ANO2: variants seen among roughly 807,000 people sequenced by gnomAD.
The protein encoded by ANO2 is anoctamin-2.
ANO2 carries 101 observed loss-of-function variants against 124.2 expected under a neutral mutation model. That is an observed-to-expected ratio of 0.81 (90% CI 0.69 to 0.96). ANO2 has a LOEUF of 0.96. Among genes scored for constraint, ANO2 ranks in the 40% least tolerant of loss-of-function variants. The probability of loss-of-function intolerance (pLI) is 0.00; values close to 1 mark genes in which losing one functional copy is unlikely to be tolerated. For synonymous variants in ANO2, 486 were observed against 482.5 expected (o/e 1.01, Z -0.09); for missense variants, 1,293 against 1,274.5 (o/e 1.01, Z -0.22).
chr12:5,811,193 T>C lies in ANO2; in HGVS notation c.893-3825A>G, dbSNP rs949817037. On this transcript the variant is annotated intron_variant, in intron 7 of 24. Transcript: ENST00000682330. ...GCCATACTCCTGAAAATCCATTTGG[T>C]TTTGATTCTCCCCAGAAAAGGGCCC... 4.6e-5 allele frequency among the ~76,000 whole-genome samples: 7 copies of C among 152,276 alleles called. No individual in the cohort carries two copies. In the South Asian group the frequency reaches 1.5e-3, roughly 32 times the overall value.
intron 10 of ANO2, among the ~76,000 whole-genome samples, chr12:5,778,416 T>C (rs1952291433): frequency 6.6e-6 from 1 of 152,286 alleles, no homozygotes; most frequent in Non-Finnish European, 1.5e-5. Context: ...GCAGAAAGTG[T>C]CACATTATTT....
intron 17 of ANO2, 72 bp downstream of exon 17, chr12:5,615,114 T>G: frequency 1.6e-6 from 2 of 1,236,678 alleles, no homozygotes; most frequent in Non-Finnish European, 2.3e-6. Context: ...AGGCTGACCC[T>G]ATTGTCCTGA....
At chr12:5,807,855 C>T (rs1322723228) in intron 7 of ANO2, among the ~76,000 whole-genome samples, 3 of 152,212 alleles carry the variant, frequency 2.0e-5, no homozygotes, top group South Asian at 2.1e-4. Flanking sequence ...CAGGAAGCAA[C>T]AGGGCAGTGG....
chr12:5,937,893 A>T (rs1407575201), intron 1 of ANO2, among the ~76,000 whole-genome samples: 1 of 152,164 alleles, frequency 6.6e-6, no homozygotes, highest in Non-Finnish European at 1.5e-5. Flanking sequence ...TACTCCTAAA[A>T]CAAAGCCCCT....
intron 10 of ANO2, among the ~76,000 whole-genome samples, chr12:5,799,154 CAACA>C (rs1197490149): frequency 2.0e-5 from 3 of 152,172 alleles, no homozygotes; most frequent in Admixed American, 6.5e-5. Flanking sequence ...GGGCATAACC[CAACA>C]ATCAGCTTCA....
chr12:5,654,890 CA>C (rs1025172508), intron 14 of ANO2, among the ~76,000 whole-genome samples: 13 of 152,190 alleles, frequency 8.5e-5, no homozygotes, highest in African/African-American at 3.1e-4. Flanking sequence ...TGAATCAGAG[CA>C]GCCATCCCAC....
intron 1 of ANO2, among the ~76,000 whole-genome samples, chr12:5,935,471 T>C (rs1942608744): frequency 6.6e-6 from 1 of 152,206 alleles, no homozygotes; most frequent in Non-Finnish European, 1.5e-5. Flanking sequence ...ATACATTTTT[T>C]ATTTTCTCAT....
At chr12:5,740,053 C>T (rs1357763786) in intron 12 of ANO2, 2 of 445,910 alleles carry the variant, frequency 4.5e-6, no homozygotes, top group African/African-American at 2.0e-5. Flanking sequence ...AGTTTGCCTG[C>T]CCCACCCACG....
intron 10 of ANO2, among the ~76,000 whole-genome samples, chr12:5,790,802 C>G (rs541380043): frequency 6.6e-6 from 1 of 152,256 alleles, no homozygotes; most frequent in Non-Finnish European, 1.5e-5. Context: ...GCTTCAACAC[C>G]ACATCCAGTA....
intron 3 of ANO2, among the ~76,000 whole-genome samples, chr12:5,909,052 G>T (rs1279782026): frequency 6.6e-6 from 1 of 152,170 alleles, no homozygotes; most frequent in African/African-American, 2.4e-5. Flanking sequence ...TGGGAGCTAG[G>T]AGAACATGCA....
chr12:5,847,445 CTGTGTG>C (rs35366359), intron 4 of ANO2, among the ~76,000 whole-genome samples: 1,988 of 144,760 alleles, frequency 0.014, 16 homozygotes, highest in African/African-American at 0.026. Flanking sequence ...CATAACACCT[CTGTGTG>C]TGTGTGTGTG....
At chr12:5,666,910 G>T (rs529958422) in intron 14 of ANO2, among the ~76,000 whole-genome samples, 19 of 152,286 alleles carry the variant, frequency 1.2e-4, no homozygotes, top group African/African-American at 4.3e-4. Flanking sequence ...CATTGTATCA[G>T]GTCTACCCCC....
At chr12:5,652,233 C>T (rs1351092528) in intron 14 of ANO2, among the ~76,000 whole-genome samples, 1 of 152,064 alleles carries the variant, frequency 6.6e-6, no homozygotes, top group Non-Finnish European at 1.5e-5. Context: ...TATGGTATTT[C>T]CTTCCTCTAT....
In ANO2 at chr12:5,565,607, T is replaced by C; in HGVS notation, c.2678A>G (p.Gln893Arg). The C allele has an allele frequency of 6.2e-7, 1 of 1,606,358 alleles. No individual in the cohort carries two copies. Among genetic ancestry groups the C allele is most frequent in the Non-Finnish European group, 8.5e-7 (1 of 1,176,314 alleles). Residue 893 changes from glutamine to arginine, a missense_variant, in exon 24 of 25, where the codon CAG (glutamine) becomes CGG (arginine). Coordinates refer to ENST00000682330, the MANE Select transcript of ANO2 (RefSeq NM_001364791.2). ...WAPNPYEFSK[Q>R]YWFILSARLA... ...ACGGGCGGACAGAATAAACCAGTAC[T>C]GTTTCGAAAACTCATAAGGGTTCGG...
At chr12:5,733,892 A>AT (rs1330229941) in intron 13 of ANO2, among the ~76,000 whole-genome samples, 1 of 151,960 alleles carries the variant, frequency 6.6e-6, no homozygotes, top group East Asian at 1.9e-4. Flanking sequence ...TTTTTCTTTT[A>AT]TTTTTTCCTC....
chr12:5,936,527 G>A (rs1468796615), intron 1 of ANO2, among the ~76,000 whole-genome samples: 3 of 152,208 alleles, frequency 2.0e-5, no homozygotes, highest in Non-Finnish European at 2.9e-5. Flanking sequence ...CTTGGAAGCA[G>A]AGAGCAGCTG....
chr12:5,571,873 T>TA (rs1375037512), intron 23 of ANO2, among the ~76,000 whole-genome samples: 2 of 152,190 alleles, frequency 1.3e-5, no homozygotes, highest in Non-Finnish European at 2.9e-5. Context: ...ATAGGACTCA[T>TA]ATGAGGCAGA....
At chr12:5,690,582 G>A (rs2137012738) in intron 14 of ANO2, among the ~76,000 whole-genome samples, 1 of 152,302 alleles carries the variant, frequency 6.6e-6, no homozygotes, top group South Asian at 2.1e-4. Context: ...CCTGGGGCAA[G>A]AGTTCCAAAG....
chr12:5,647,503 T>G (rs1946701162), intron 15 of ANO2, among the ~76,000 whole-genome samples: 2 of 152,204 alleles, frequency 1.3e-5, no homozygotes, highest in Non-Finnish European at 2.9e-5. Context: ...TCTGTCTCCA[T>G]GCAGAAGCAC....
Sources: gnomAD v4.1 joint callset for allele counts (sites outside exome capture counted in the v4.1 genomes callset) on GRCh38, gnomAD v4.1.1 for gene constraint, MANE v1.5 for transcripts, NCBI Gene and HGNC (gene_info 2026-07-23, HGNC 2026-07-21) for gene names.